SEL1L: variants seen among roughly 807,000 people sequenced by gnomAD.
SEL1L encodes the protein SEL1L adaptor subunit of SYVN1 ubiquitin ligase, also known as protein sel-1 homolog 1.
Under a neutral mutation model 109.8 loss-of-function variants are expected in SEL1L, and 52 were observed. The observed-to-expected ratio is 0.47, with a 90% CI of 0.38 to 0.60. The LOEUF is 0.60. Among genes scored for constraint, SEL1L ranks in the 20% least tolerant of loss-of-function variants. The probability of loss-of-function intolerance (pLI) is 0.00; values close to 1 mark genes in which losing one functional copy is unlikely to be tolerated. For missense variants in SEL1L, 749 were observed against 962.2 expected, an observed-to-expected ratio of 0.78 and a Z score of 2.93; for synonymous variants, 373 against 339.6, an observed-to-expected ratio of 1.10 and a Z score of -1.08.
At chr14:81,481,254 AG>A (rs1903347651) in intron 19 of SEL1L, among the ~76,000 whole-genome samples, 1 of 152,240 alleles carries the variant, frequency 6.6e-6, no homozygotes, top group Non-Finnish European at 1.5e-5. Flanking sequence ...CTATTATCAA[AG>A]AATACCAAAC....
rs761618004 is a variant in SEL1L, at chr14:81,477,213, T to C, written c.2176-32A>G. 1.9e-6 allele frequency: 3 copies of C among 1,541,658 alleles called. No homozygotes were observed. The East Asian group carries it at 6.8e-5, about 35-fold the overall frequency. On this transcript the variant is annotated intron_variant, in intron 20 of 20. Coordinates refer to ENST00000336735, the MANE Select transcript of SEL1L (RefSeq NM_005065.6). Reference sequence around the variant, plus strand: ...GAAAATAATATAGAAACCATTATTATCACTAAAATGTCAGGCAAGGAACTG... The same window carrying C: ...GAAAATAATATAGAAACCATTATTACCACTAAAATGTCAGGCAAGGAACTG...
At chr14:81,493,124 T>C (rs113713348) in intron 11 of SEL1L, among the ~76,000 whole-genome samples, 6 of 152,318 alleles carry the variant, frequency 3.9e-5, no homozygotes, top group South Asian at 2.1e-4. Flanking sequence ...CCTTGTACCA[T>C]TGGTTATTCC....
At chr14:81,502,153 G>A (rs1206513128) in intron 6 of SEL1L, among the ~76,000 whole-genome samples, 3 of 152,028 alleles carry the variant, frequency 2.0e-5, no homozygotes, top group Non-Finnish European at 4.4e-5. Context: ...TGAAGTTCCA[G>A]AACAATAGAC....
rs143140269 is a variant in SEL1L at position 81,526,824 on chromosome 14, C to T, written c.249G>A (p.Glu83=). Reference sequence around the variant, plus strand: ...TGATATCTTCTGTGACACTTTCCCCCTCTTGGCTCTTGAGGCTGTCTTCCT... The same window carrying T: ...TGATATCTTCTGTGACACTTTCCCCTTCTTGGCTCTTGAGGCTGTCTTCCT... ...QEEEDSLKSQ[E]GESVTEDISF... Residue 83 remains glutamate (E), a synonymous_variant, in exon 3 of 21, where the codon GAG becomes GAA. Coordinates refer to ENST00000336735, the MANE Select transcript of SEL1L (RefSeq NM_005065.6). 37 of 1,605,402 alleles carry T rather than the reference C, an allele frequency of 2.3e-5. No individual in the cohort carries two copies. The highest frequency in any genetic ancestry group is 6.7e-5 in the East Asian group (3 of 44,818).
chr14:81,497,776 A>ACCTGATT, intron 10 of SEL1L, 116 bp downstream of exon 10: 1 of 912,042 alleles, frequency 1.1e-6, no homozygotes, highest in South Asian at 1.9e-5. Context: ...TATGTAGTTC[A>ACCTGATT]TAATTGCTCA....
chr14:81,510,168 GA>G (rs1432526149), intron 3 of SEL1L, among the ~76,000 whole-genome samples: 6 of 152,314 alleles, frequency 3.9e-5, no homozygotes, highest in African/African-American at 1.4e-4. Context: ...TGAGGATCAG[GA>G]ACCGACCAGG....
intron 12 of SEL1L, among the ~76,000 whole-genome samples, chr14:81,492,062 G>A (rs150196177): frequency 1.9e-4 from 28 of 151,306 alleles, no homozygotes; most frequent in East Asian, 1.2e-3. Flanking sequence ...TTGCTCTGTC[G>A]CCCAGGCTGG....
intron 3 of SEL1L, among the ~76,000 whole-genome samples, chr14:81,524,399 A>G (rs1424738827): frequency 6.6e-6 from 1 of 152,198 alleles, no homozygotes; most frequent in Non-Finnish European, 1.5e-5. Context: ...TCTCAATAAA[A>G]AGACAGAACC....
chr14:81,504,241 T>C lies in SEL1L; in HGVS notation c.574A>G (p.Lys192Glu). 1 of 1,600,328 alleles carries C rather than the reference T, an allele frequency of 6.2e-7. No homozygotes were observed. Among genetic ancestry groups the C allele is most frequent in the Non-Finnish European group, 8.5e-7 (1 of 1,173,738 alleles). Residue 192 changes from lysine to glutamate, a missense_variant, in exon 5 of 21, where the codon AAA becomes GAA. This residue lies in a region of SEL1L where 366 missense variants were observed against 399.8 expected (regional missense o/e 0.92). Transcript: ENST00000336735. ...TTCTTATTGCTTCCATTAAGGATTT[T>C]CATTCCAGTTTGATACATCATTTCT... is the stretch of plus-strand genomic sequence containing the variant. Reference protein sequence around the residue: ...EAEMMYQTGMKILNGSNKKSQ... With the variant: ...EAEMMYQTGMEILNGSNKKSQ...
chr14:81,477,762 G>A (rs571387403), intron 20 of SEL1L, among the ~76,000 whole-genome samples: 8 of 152,132 alleles, frequency 5.3e-5, no homozygotes, highest in South Asian at 2.1e-4. Context: ...GCGGTGAGCC[G>A]AGACTGTGCC....
At position 81,498,013 on chromosome 14, in the gene SEL1L, A is replaced by C. The variant is rs1192261026; in HGVS notation, c.1007T>G (p.Val336Gly). The change falls in exon 10 of 21, where the codon GTA (valine) becomes GGA (glycine). Residue 336 changes from valine to glycine, a missense_variant. Transcript: ENST00000336735. ...ASDISLTGGSVVQRIRLPDEV... is the reference protein window; with the variant it reads ...ASDISLTGGSGVQRIRLPDEV... ...ATCAGGCAGCCGTATTCTCTGTACT[A>C]CTGAGCCTCCTGTTAGCGAGATATC... is the stretch of plus-strand genomic sequence containing the variant. 5 of 1,613,486 alleles carry C rather than the reference A, an allele frequency of 3.1e-6. No homozygotes were observed. Among genetic ancestry groups the C allele is most frequent in the Non-Finnish European group, 4.2e-6 (5 of 1,179,862 alleles).
intron 20 of SEL1L, among the ~76,000 whole-genome samples, chr14:81,477,647 T>C (rs561470344): frequency 6.6e-6 from 1 of 152,184 alleles, no homozygotes; most frequent in African/African-American, 2.4e-5. Flanking sequence ...ATCCCATCTC[T>C]ACTAAAAATA....
At chr14:81,505,463 T>C (rs917392007) in intron 4 of SEL1L, among the ~76,000 whole-genome samples, 1 of 152,234 alleles carries the variant, frequency 6.6e-6, no homozygotes, top group Admixed American at 6.5e-5. Context: ...AAAGATGGAC[T>C]ATATTTGATG....
chr14:81,477,677 G>A (rs530359351), intron 20 of SEL1L, among the ~76,000 whole-genome samples: 1 of 152,288 alleles, frequency 6.6e-6, no homozygotes, highest in East Asian at 1.9e-4. Flanking sequence ...ACCAGGCATG[G>A]TGGCGGGTGC....
chr14:81,500,430 G>A (rs990737863), intron 6 of SEL1L, among the ~76,000 whole-genome samples: 13 of 151,922 alleles, frequency 8.6e-5, no homozygotes, highest in African/African-American at 3.1e-4. Flanking sequence ...TAGAGACGGG[G>A]TTTCACCATG....
chr14:81,472,351 G>C lies in SEL1L; in HGVS notation c.*4621C>G. On this transcript the variant is annotated 3_prime_UTR_variant, in exon 21 of 21. Transcript: ENST00000336735. ...CAGTTGCCACAGTTTGCATCATGTAGGCTTTTTATCCAAGATCCAATGCTT... is the reference window on the plus strand; with the variant it reads ...CAGTTGCCACAGTTTGCATCATGTACGCTTTTTATCCAAGATCCAATGCTT... The C allele has an allele frequency of 4.8e-6, 1 of 208,028 alleles. No homozygotes were observed. Among genetic ancestry groups the C allele is most frequent in the South Asian group, 6.3e-5 (1 of 15,816 alleles). The allele number at this position is 208,028 out of a possible 1,614,324, so 12.9% of individuals were successfully genotyped here. A position where few individuals can be genotyped will look rare whatever the true frequency, so the allele number is the denominator to read the frequency against.
chr14:81,499,111 GA>G (rs1293664521), intron 8 of SEL1L: 1 of 983,936 alleles, frequency 1.0e-6, no homozygotes, highest in African/African-American at 1.7e-5. Flanking sequence ...ACAAAATTTT[GA>G]AAAACTAAAG....
chr14:81,499,957 G>A (rs1480549976), intron 6 of SEL1L, among the ~76,000 whole-genome samples: 1 of 143,730 alleles, frequency 7.0e-6, no homozygotes, highest in African/African-American at 2.7e-5. Context: ...CCAGGCTGGA[G>A]TGCAATGGCA....
In SEL1L at chr14:81,532,035, C is replaced by A. The variant is rs550038303; in HGVS notation, c.70+1640G>T. 2.6e-5 allele frequency among the ~76,000 whole-genome samples: 4 copies of A among 152,310 alleles called. No individual in the cohort carries two copies. In the South Asian group the frequency reaches 8.3e-4, roughly 32 times the overall value. Reference sequence around the variant, plus strand: ...AGTCCTCTACCTACATCAATACAACCCAAGGATTTAATATATCAGTGTTAA... The same window carrying A: ...AGTCCTCTACCTACATCAATACAACACAAGGATTTAATATATCAGTGTTAA... On this transcript the variant is annotated intron_variant, in intron 1 of 20. Transcript: ENST00000336735.
Sources: allele counts gnomAD v4.1 joint callset (sites outside exome capture counted in the v4.1 genomes callset), GRCh38; gene constraint gnomAD v4.1.1; regional missense constraint gnomAD v4.1.1; transcripts MANE v1.5; gene names NCBI Gene and HGNC (gene_info 2026-07-23, HGNC 2026-07-21).